The following STPG1 variants were observed in gnomAD, a reference collection of about 807,000 sequenced individuals.
STPG1 encodes sperm tail PG-rich repeat containing 1, also known as O(6)-methylguanine-induced apoptosis 2.
Under a neutral mutation model 40.1 loss-of-function variants are expected in STPG1, and 33 were observed. That is an observed-to-expected ratio of 0.82 (90% CI 0.62 to 1.10). STPG1 has a LOEUF of 1.10. Among genes scored for constraint, STPG1 ranks in the 50% least tolerant of loss-of-function variants. STPG1 has a pLI of 0.00. For synonymous variants in STPG1, 150 were observed against 155.0 expected (o/e 0.97, Z 0.24); for missense variants, 396 against 415.1 (o/e 0.95, Z 0.40).
At chr1:24,387,004 A>G (rs571606898) in intron 3 of STPG1, among the ~76,000 whole-genome samples, 1 of 152,218 alleles carries the variant, frequency 6.6e-6, no homozygotes, top group Admixed American at 6.5e-5. Context: ...CGCCATCATC[A>G]TCATCACCAT....
chr1:24,373,447 C>T (rs1641847267), intron 6 of STPG1, among the ~76,000 whole-genome samples: 1 of 152,168 alleles, frequency 6.6e-6, no homozygotes, highest in Admixed American at 6.5e-5. Context: ...CTGCCCAGAG[C>T]AGGTATGCCA....
intron 2 of STPG1, among the ~76,000 whole-genome samples, chr1:24,395,587 C>T (rs190301785): frequency 7.2e-5 from 11 of 151,916 alleles, no homozygotes; most frequent in Admixed American, 3.9e-4. Flanking sequence ...CGCCCGCCAC[C>T]GCGCCCGGCT....
chr1:24,371,826 C>G (rs997628233), intron 6 of STPG1, among the ~76,000 whole-genome samples: 1 of 152,184 alleles, frequency 6.6e-6, no homozygotes, highest in African/African-American at 2.4e-5. Context: ...CGCCAGGAAG[C>G]TGGGGTGGAG....
chr1:24,364,224 C>G lies in STPG1; in HGVS notation c.738-3183G>C, dbSNP rs141931022. On this transcript the variant is annotated intron_variant, in intron 7 of 8. Transcript: ENST00000337248. Reference sequence around the variant, plus strand: ...TCCACCCACGCCTGTCTCGCCACCCCCCACCTGACTGTCTTGAATGTTCCC... The same window carrying G: ...TCCACCCACGCCTGTCTCGCCACCCGCCACCTGACTGTCTTGAATGTTCCC... 304 of 1,544,576 alleles carry G rather than the reference C, an allele frequency of 2.0e-4. 1 individual carries two copies. The African/African-American group carries it at 3.4e-3, about 17-fold the overall frequency.
At chr1:24,361,608 C>T (rs1468806027) in intron 7 of STPG1, among the ~76,000 whole-genome samples, 3 of 152,146 alleles carry the variant, frequency 2.0e-5, no homozygotes, top group African/African-American at 7.2e-5. Context: ...CAGAATCCTA[C>T]TAAATATCAT....
chr1:24,374,257 G>GTTTTTTTTTTTTT lies in STPG1; in HGVS notation c.463-460_463-448dup, dbSNP rs1553122570. ...CGCTAGGAAAGTGTTTTTTTTTTTT[G>GTTTTTTTTTTTTT]TTTTTTTTTTTTTTTTTCTGAGACA... On this transcript the variant is annotated intron_variant, in intron 5 of 8. Transcript: ENST00000337248. Among the ~76,000 whole-genome samples the GTTTTTTTTTTTTT allele has an allele frequency of 1.1e-4, 7 of 62,122 alleles. No homozygotes were observed. The East Asian group carries it at 1.9e-3, about 17-fold the overall frequency. 40.8% of individuals were successfully genotyped at this position (62,122 alleles called of 152,430 possible).
chr1:24,365,404 C>T (rs1048490733), intron 7 of STPG1, among the ~76,000 whole-genome samples: 1 of 152,186 alleles, frequency 6.6e-6, no homozygotes, highest in Non-Finnish European at 1.5e-5. Context: ...CCTGACTCAC[C>T]CTAAGTGATT....
intron 3 of STPG1, among the ~76,000 whole-genome samples, chr1:24,387,306 C>G (rs145292558): frequency 6.6e-6 from 1 of 152,022 alleles, no homozygotes; most frequent in East Asian, 1.9e-4. Context: ...GATGTGTGGT[C>G]GTGACTCCAT....
intron 5 of STPG1, 136 bp from the exon 6 acceptor site, chr1:24,373,946 G>A (rs1641882042): frequency 3.1e-6 from 2 of 649,196 alleles, no homozygotes; most frequent in Middle Eastern, 2.5e-4. Flanking sequence ...GAACAGATGT[G>A]AGCTGTAAAC....
chr1:24,404,931 G>A lies in STPG1; in HGVS notation c.-68-3475C>T, dbSNP rs1222136671. On this transcript the variant is annotated intron_variant, in intron 1 of 8. Transcript: ENST00000337248. ...CTATGATTATTTTTTCTTTCTTCCT[G>A]CTTACTTTGGGTTTCATTTGTTCTT... Among the ~76,000 whole-genome samples, 6 of 151,678 alleles carry A rather than the reference G, an allele frequency of 4.0e-5. No homozygotes were observed. The South Asian group carries it at 8.3e-4, about 21-fold the overall frequency.
rs1640835720 is a variant in STPG1 at position 24,358,042 on chromosome 1, G to A, written c.*501C>T. Reference sequence around the variant, plus strand: ...CCTGCCTGCAGGTAGCTTTCGCCCAGTAGACATACCGTAAGTGAGTGAGGT... The same window carrying A: ...CCTGCCTGCAGGTAGCTTTCGCCCAATAGACATACCGTAAGTGAGTGAGGT... On this transcript the variant is annotated 3_prime_UTR_variant, in exon 9 of 9. Transcript: ENST00000337248. 2.7e-6 allele frequency: 1 copy of A among 364,352 alleles called. No homozygotes were observed. The highest frequency in any genetic ancestry group is 5.5e-6 in the Non-Finnish European group (1 of 182,484). The allele number at this position is 364,352 out of a possible 1,614,324, so 22.6% of individuals were successfully genotyped here. A position where few individuals can be genotyped will look rare whatever the true frequency, so the allele number is the denominator to read the frequency against.
intron 2 of STPG1, chr1:24,392,183 T>A: frequency 1.6e-6 from 1 of 609,540 alleles, no homozygotes; most frequent in Middle Eastern, 8.1e-4. Context: ...AGTTTTCGTT[T>A]CTGTTTTGAG....
chr1:24,404,174 C>T lies in STPG1; in HGVS notation c.-68-2718G>A, dbSNP rs75834728. Among the ~76,000 whole-genome samples the T allele has an allele frequency of 1.5e-3, 232 of 152,236 alleles. 8 individuals carry two copies. The East Asian group carries it at 0.033, about 21-fold the overall frequency. On this transcript the variant is annotated intron_variant, in intron 1 of 8. Coordinates refer to ENST00000337248, the MANE Select transcript of STPG1 (RefSeq NM_001199013.2). The stretch of plus-strand genomic sequence containing the variant: ...TCAATTTTATCAAATACTTTTTCCG[C>T]ATCTATGGAGATGATCATACAATTG...
In STPG1 at chr1:24,357,179, G is replaced by T. The variant is rs147423453; in HGVS notation, c.*1364C>A. On this transcript the variant is annotated 3_prime_UTR_variant, in exon 9 of 9. Transcript: ENST00000337248. ...CTGCCCCTGTGGGAGGGACCCAGTG[G>T]GGCACCCAGAGTTGCTCTGCCCAGG... The T allele has an allele frequency of 2.6e-5, 4 of 152,294 alleles. No homozygotes were observed. The highest frequency in any genetic ancestry group is 5.9e-5 in the Non-Finnish European group (4 of 68,034). The allele number at this position is 152,294 out of a possible 1,614,324, so 9.4% of individuals were successfully genotyped here. A position where few individuals can be genotyped will look rare whatever the true frequency, so the allele number is the denominator to read the frequency against.
Position 24,391,632 on chromosome 1 carries a change from G to A in STPG1, c.118C>T (p.Gln40Ter). The change falls in exon 3 of 9, where the codon CAA becomes TAA. Residue 40 changes from glutamine (Q) to a stop codon, truncating the protein, a stop_gained. Coordinates refer to ENST00000337248, the MANE Select transcript of STPG1 (RefSeq NM_001199013.2). LOFTEE classifies it high-confidence loss of function. ...PTQSSIPFKS[Q>*]ASVIPESEKK... ...TCTGATTCTGGGATTACTGAAGCTT[G>A]AGATTTAAAAGGAATGGAGGATTGT... 1 of 1,550,024 alleles carries A rather than the reference G, an allele frequency of 6.5e-7. No individual in the cohort carries two copies. The highest frequency in any genetic ancestry group is 1.2e-5 in the South Asian group (1 of 84,034).
intron 5 of STPG1, among the ~76,000 whole-genome samples, chr1:24,376,227 G>T (rs779560287): frequency 6.6e-6 from 1 of 152,046 alleles, no homozygotes; most frequent in Non-Finnish European, 1.5e-5. Flanking sequence ...CACTATATTG[G>T]CCAGGCTGGT....
intron 7 of STPG1, among the ~76,000 whole-genome samples, chr1:24,365,434 T>C (rs1377805565): frequency 6.6e-6 from 1 of 152,204 alleles, no homozygotes; most frequent in African/African-American, 2.4e-5. Flanking sequence ...CTGTGACGGA[T>C]ATTGAAGACC....
In STPG1 at chr1:24,367,814, G is replaced by A. The variant is rs369430093; in HGVS notation, c.737+1860C>T. On this transcript the variant is annotated intron_variant, in intron 7 of 8. Transcript: ENST00000337248. ...CAGGCGTGAGTCACCATGCCCAACC[G>A]GTAATAGCTATTTTCCAACATCTTC... Among the ~76,000 whole-genome samples, 6 of 152,176 alleles carry A rather than the reference G, an allele frequency of 3.9e-5. No homozygotes were observed. The South Asian group carries it at 6.2e-4, about 16-fold the overall frequency.
rs371887422 is a variant in STPG1, at chr1:24,373,692, A to T, written c.571+10T>A. On this transcript the variant is annotated intron_variant, in intron 6 of 8. Transcript: ENST00000337248. ...CCTTAGGTCAAGGCCAGTGCAAAGC[A>T]GCTGCTTACCTGGGGGAGGTCCTTT... 10 of 1,591,190 alleles carry T rather than the reference A, an allele frequency of 6.3e-6. No homozygotes were observed. In the African/African-American group the frequency reaches 1.2e-4, roughly 19 times the overall value.
Sources: gnomAD v4.1 joint callset for allele counts (sites outside exome capture counted in the v4.1 genomes callset) on GRCh38, gnomAD v4.1.1 for gene constraint, MANE v1.5 for transcripts, NCBI Gene and HGNC (gene_info 2026-07-23, HGNC 2026-07-21) for gene names.